The following NCOA4 variants were observed in gnomAD, a reference collection of about 807,000 sequenced individuals.
NCOA4 encodes 70 kDa AR-activator.
NCOA4 carries 31 observed loss-of-function variants against 69.5 expected under a neutral mutation model. The observed-to-expected ratio is 0.45, with a 90% CI of 0.34 to 0.60. The LOEUF is 0.60. Ranked by LOEUF, NCOA4 falls within the 20% of genes least tolerant of loss-of-function variation. NCOA4 has a pLI of 0.02. For synonymous variants in NCOA4, 228 were observed against 252.4 expected, an observed-to-expected ratio of 0.90 and a Z score of 0.92; for missense variants, 600 against 719.2, an observed-to-expected ratio of 0.83 and a Z score of 1.90.
At chr10:46,019,586 A>T (rs1554923949) in intron 1 of NCOA4, 1 of 923,376 alleles carries the variant, frequency 1.1e-6, no homozygotes, top group Non-Finnish European at 1.3e-6. Flanking sequence ...ATTCCGGAAC[A>T]TACGGGAGAC....
chr10:46,018,542 C>G (rs1485428722), intron 1 of NCOA4, among the ~76,000 whole-genome samples: 5 of 152,156 alleles, frequency 3.3e-5, no homozygotes, highest in South Asian at 2.1e-4. Context: ...GAAGAGGACA[C>G]TTAGAAAAGG....
chr10:46,012,988 T>G lies in NCOA4; in HGVS notation c.609A>C (p.Glu203Asp). The change falls in exon 7 of 10, where the codon GAA becomes GAC. Residue 203 changes from glutamate (E) to aspartate (D), a missense_variant. Coordinates refer to ENST00000581486, the MANE Select transcript of NCOA4 (RefSeq NM_001145263.2). ...ASGIVAVPFSEWLLGSKPASG... is the reference protein window; with the variant it reads ...ASGIVAVPFSDWLLGSKPASG... The stretch of plus-strand genomic sequence containing the variant: ...TGGCAGGTTTGCTTCCAAGGAGCCA[T>G]TCGCTGAAAGGGACAGCTACAATAC... The G allele has an allele frequency of 6.2e-7, 1 of 1,614,124 alleles. No homozygotes were observed. The highest frequency in any genetic ancestry group is 1.1e-5 in the South Asian group (1 of 91,084).
At chr10:46,012,070 GAAAAAAAAA>G (rs71026286) in intron 7 of NCOA4, among the ~76,000 whole-genome samples, 72 of 44,518 alleles carry the variant, frequency 1.6e-3, no homozygotes, top group African/African-American at 4.9e-3. Flanking sequence ...CAAAAAGAAA[GAAAAAAAAA>G]AAAAAAAAAA....
chr10:46,012,400 T>C (rs1554921923), intron 7 of NCOA4, among the ~76,000 whole-genome samples: 1 of 152,124 alleles, frequency 6.6e-6, no homozygotes, highest in Non-Finnish European at 1.5e-5. Flanking sequence ...AATAATTGGC[T>C]CCTGGATGTT....
rs1778846410 is a variant in NCOA4 at position 46,005,130 on chromosome 10, C to G, written c.*1462G>C. 1 of 190,496 alleles carries G rather than the reference C, an allele frequency of 5.2e-6. No individual in the cohort carries two copies. The highest frequency in any genetic ancestry group is 1.1e-5 in the Non-Finnish European group (1 of 90,888). 11.8% of individuals were successfully genotyped at this position (190,496 alleles called of 1,614,324 possible). A position where few individuals can be genotyped will look rare whatever the true frequency, so the allele number is the denominator to read the frequency against. ...TAATGGAAGCAGATACAAAATTCAT[C>G]AATGCAAAAGAATGTTTTACATACT... On this transcript the variant is annotated 3_prime_UTR_variant, in exon 10 of 10. Transcript: ENST00000581486.
At chr10:46,026,966 T>C (rs1256947500) in intron 1 of NCOA4, among the ~76,000 whole-genome samples, 1 of 152,050 alleles carries the variant, frequency 6.6e-6, no homozygotes, top group East Asian at 1.9e-4. Flanking sequence ...CAACTTGGGA[T>C]AAGAATGACT....
At chr10:46,023,441 A>T in intron 1 of NCOA4, 1 of 985,728 alleles carries the variant, frequency 1.0e-6, no homozygotes, top group Non-Finnish European at 1.2e-6. Context: ...CCCACGCGTC[A>T]CACGGCAACT....
At chr10:46,022,504 C>T (rs1366605743) in intron 1 of NCOA4, 2 of 454,860 alleles carry the variant, frequency 4.4e-6, no homozygotes. Context: ...CTAGCTCTGC[C>T]GCCCAGGCTG....
chr10:46,013,501 G>C, intron 6 of NCOA4, 49 bp downstream of exon 6: 1 of 1,361,818 alleles, frequency 7.3e-7, no homozygotes, highest in South Asian at 1.2e-5. Context: ...CCCAAAGGAA[G>C]TATAAGCCAA....
Position 46,006,597 on chromosome 10 carries a change from T to C in NCOA4, c.1840A>G (p.Met614Val). Residue 614 changes from methionine (M) to valine (V), a missense_variant and splice_region_variant, in exon 10 of 10, where the codon ATG (methionine) becomes GTG (valine). Coordinates refer to ENST00000581486, the MANE Select transcript of NCOA4 (RefSeq NM_001145263.2). ...CTCAACTCTTGTCCATTCCTTCACATCTGTAAAGAGACACCCACAGATGAT... is the reference window on the plus strand; with the variant it reads ...CTCAACTCTTGTCCATTCCTTCACACCTGTAAAGAGACACCCACAGATGAT... ...EKWLYRTPLQ[M>V] is the part of the protein sequence containing the mutation. The C allele has an allele frequency of 6.2e-7, 1 of 1,614,022 alleles. No homozygotes were observed. The highest frequency in any genetic ancestry group is 1.1e-5 in the South Asian group (1 of 91,076).
At chr10:46,013,420 A>G (rs1202735801) in intron 6 of NCOA4, 130 bp downstream of exon 6, 2 of 667,352 alleles carry the variant, frequency 3.0e-6, no homozygotes, top group East Asian at 5.5e-5. Flanking sequence ...GAAGCATTCA[A>G]TTTCATAAAC....
At position 46,009,202 on chromosome 10, in the gene NCOA4, T is replaced by C. The variant is rs782462758; in HGVS notation, c.1839+209A>G. 7.7e-6 allele frequency: 12 copies of C among 1,550,522 alleles called. No homozygotes were observed. Among genetic ancestry groups the C allele is most frequent in the African/African-American group, 1.4e-5 (1 of 73,034 alleles). ...AACGGTTACATCTTGAAAGTTCATT[T>C]TGAAGTATGCCTAGTTAGTTAATAA... On this transcript the variant is annotated intron_variant, in intron 9 of 9. Transcript: ENST00000581486.
chr10:46,030,178 G>T (rs1176390438), intron 1 of NCOA4, among the ~76,000 whole-genome samples: 1 of 152,234 alleles, frequency 6.6e-6, no homozygotes, highest in Non-Finnish European at 1.5e-5. Context: ...GAAGGCCGGC[G>T]GGGAGCAGGA....
intron 1 of NCOA4, among the ~76,000 whole-genome samples, chr10:46,028,539 TAAAA>T (rs61255702): frequency 7.6e-6 from 1 of 130,776 alleles, no homozygotes; most frequent in South Asian, 2.5e-4. Context: ...CACCATTAAT[TAAAA>T]AAAAAAAAAA....
rs782153872 is a variant in NCOA4 at position 46,013,507 on chromosome 10, G to C, written c.570+43C>G. 1.3e-5 allele frequency: 19 copies of C among 1,408,136 alleles called. No individual in the cohort carries two copies. In the African/African-American group the frequency reaches 2.7e-4, roughly 20 times the overall value. The allele number at this position is 1,408,136 out of a possible 1,614,324, so 87.2% of individuals were successfully genotyped here. On this transcript the variant is annotated intron_variant, in intron 6 of 9. Transcript: ENST00000581486. ...TATATAAAACCCAAAGGAAGTATAA[G>C]CCAAGTAATGACTCAATTACCAAAA...
At chr10:46,026,874 AG>A (rs1554925583) in intron 1 of NCOA4, among the ~76,000 whole-genome samples, 1 of 152,212 alleles carries the variant, frequency 6.6e-6, no homozygotes, top group East Asian at 1.9e-4. Flanking sequence ...AGGAATATTA[AG>A]CCCCAAAGGT....
chr10:46,023,264 G>A (rs1839988355), intron 1 of NCOA4: 4 of 985,154 alleles, frequency 4.1e-6, no homozygotes, highest in Non-Finnish European at 4.8e-6. Flanking sequence ...CTCCTGCCCG[G>A]CGCCAGCCCT....
intron 1 of NCOA4, among the ~76,000 whole-genome samples, chr10:46,023,154 T>C (rs542581376): frequency 2.0e-5 from 3 of 152,344 alleles, no homozygotes; most frequent in Non-Finnish European, 2.9e-5. Context: ...TGCGGCTTTC[T>C]AGACTTCCCA....
chr10:46,020,583 G>A (rs1253134870), intron 1 of NCOA4, among the ~76,000 whole-genome samples: 8 of 152,118 alleles, frequency 5.3e-5, no homozygotes, highest in African/African-American at 1.4e-4. Context: ...CATATGTGAG[G>A]AATATAGACT....
Sources: gnomAD v4.1 joint callset for allele counts (sites outside exome capture counted in the v4.1 genomes callset) on GRCh38, gnomAD v4.1.1 for gene constraint, MANE v1.5 for transcripts, NCBI Gene and HGNC (gene_info 2026-07-23, HGNC 2026-07-21) for gene names.